PTPRD: variants seen among roughly 807,000 people sequenced by gnomAD.
PTPRD encodes protein tyrosine phosphatase receptor type D.
A neutral mutation model predicts 214.5 loss-of-function variants in PTPRD; 34 were observed. That is an observed-to-expected ratio of 0.16 (90% confidence interval 0.12 to 0.21). The LOEUF (loss-of-function observed/expected upper bound fraction) is 0.21, where lower values mean the gene tolerates loss of function less well. PTPRD is among the 10% of genes least tolerant of loss of function. The probability of loss-of-function intolerance (pLI) is 1.00; values close to 1 mark genes in which losing one functional copy is unlikely to be tolerated. For synonymous variants in PTPRD, 1,128 were observed against 845.7 expected (o/e 1.33, Z -5.79); for missense variants, 2,545 against 2,398.7 (o/e 1.06, Z -1.27).
At chr9:9,853,508 T>A (rs940401966) in intron 5 of PTPRD, among the ~76,000 whole-genome samples, 4 of 152,100 alleles carry the variant, frequency 2.6e-5, no homozygotes, top group Non-Finnish European at 4.4e-5. Context: ...CTTATGCAAC[T>A]GTGTATTATT....
intron 7 of PTPRD, among the ~76,000 whole-genome samples, chr9:9,724,658 G>T (rs560288149): frequency 2.8e-4 from 42 of 152,284 alleles, no homozygotes; most frequent in Admixed American, 1.0e-3. Flanking sequence ...AGATCAAAAT[G>T]TGAAGGATGA....
At chr9:10,435,998 A>T (rs995243410) in intron 2 of PTPRD, among the ~76,000 whole-genome samples, 11 of 151,810 alleles carry the variant, frequency 7.2e-5, no homozygotes, top group African/African-American at 2.7e-4. Context: ...ACAACGCAGC[A>T]TTTCTGGACT....
At chr9:9,088,434 G>C (rs112147925) in intron 10 of PTPRD, among the ~76,000 whole-genome samples, 1 of 151,162 alleles carries the variant, frequency 6.6e-6, no homozygotes, top group Non-Finnish European at 1.5e-5. Context: ...ATAAAAATTA[G>C]CTGGGCATGG....
chr9:9,518,976 T>C (rs2096901054), intron 8 of PTPRD, among the ~76,000 whole-genome samples: 1 of 152,040 alleles, frequency 6.6e-6, no homozygotes, highest in Admixed American at 6.6e-5. Flanking sequence ...ATGTGGACCA[T>C]TAGTTATTTC....
At chr9:10,498,318 T>C (rs2042704976) in intron 2 of PTPRD, among the ~76,000 whole-genome samples, 1 of 151,946 alleles carries the variant, frequency 6.6e-6, no homozygotes, top group South Asian at 2.1e-4. Flanking sequence ...AGAGAAAAGG[T>C]TATCTTAAAA....
intron 9 of PTPRD, among the ~76,000 whole-genome samples, chr9:9,259,214 C>A (rs1353431951): frequency 6.6e-6 from 1 of 151,812 alleles, no homozygotes; most frequent in Non-Finnish European, 1.5e-5. Flanking sequence ...GGACTAGAAC[C>A]TAGGCTTCTT....
At chr9:10,015,519 C>G (rs998480872) in intron 4 of PTPRD, among the ~76,000 whole-genome samples, 70 of 152,180 alleles carry the variant, frequency 4.6e-4, no homozygotes, top group African/African-American at 1.7e-3. Flanking sequence ...CTGTATAGGA[C>G]ATAGTAGAAA....
intron 11 of PTPRD, among the ~76,000 whole-genome samples, chr9:8,758,125 A>G (rs2094148546): frequency 6.6e-6 from 1 of 152,228 alleles, no homozygotes; most frequent in African/African-American, 2.4e-5. Flanking sequence ...AAAGCACATT[A>G]AAATCAGAGA....
intron 12 of PTPRD, among the ~76,000 whole-genome samples, chr9:8,691,873 T>C (rs1047877700): frequency 1.3e-5 from 2 of 152,218 alleles, no homozygotes; most frequent in Non-Finnish European, 2.9e-5. Context: ...ATATACTGGC[T>C]TGCATTTCAA....
chr9:10,432,222 C>T (rs1331883455), intron 2 of PTPRD, among the ~76,000 whole-genome samples: 21 of 136,328 alleles, frequency 1.5e-4, no homozygotes, highest in Middle Eastern at 4.9e-3. Flanking sequence ...CACTCATAGG[C>T]GGGAATTGAA....
intron 3 of PTPRD, among the ~76,000 whole-genome samples, chr9:10,047,993 G>C (rs2097438347): frequency 6.6e-6 from 1 of 152,132 alleles, no homozygotes; most frequent in Non-Finnish European, 1.5e-5. Context: ...TTATAACAGA[G>C]TGAACTTTCC....
intron 10 of PTPRD, among the ~76,000 whole-genome samples, chr9:9,072,027 G>A (rs1399393218): frequency 5.9e-5 from 9 of 152,070 alleles, no homozygotes; most frequent in African/African-American, 1.2e-4. Context: ...CTGCCAGACC[G>A]AAGAAGTGAT....
chr9:10,152,686 G>A (rs927554965), intron 3 of PTPRD, among the ~76,000 whole-genome samples: 4 of 152,242 alleles, frequency 2.6e-5, no homozygotes, highest in East Asian at 1.9e-4. Context: ...TTAGCTGGGC[G>A]TGGTGGCACA....
chr9:8,780,805 A>G (rs1430133166), intron 11 of PTPRD, among the ~76,000 whole-genome samples: 1 of 152,246 alleles, frequency 6.6e-6, no homozygotes, highest in East Asian at 1.9e-4. Context: ...TATAGATGCC[A>G]GAAAAGGAAG....
At chr9:8,340,512 G>T in intron 41 of PTPRD, 43 bp from the exon 42 acceptor site, 1 of 1,496,008 alleles carries the variant, frequency 6.7e-7, no homozygotes, top group South Asian at 1.4e-5. Context: ...AGTATTTAGA[G>T]AACATGCAAA....
intron 7 of PTPRD, among the ~76,000 whole-genome samples, chr9:9,621,608 T>C (rs2095241742): frequency 6.6e-6 from 1 of 152,214 alleles, no homozygotes. Flanking sequence ...GTCATAATCA[T>C]AAATCCCAAA....
chr9:9,172,790 C>T (rs2131028611), intron 10 of PTPRD, among the ~76,000 whole-genome samples: 1 of 152,202 alleles, frequency 6.6e-6, no homozygotes, highest in East Asian at 1.9e-4. Context: ...CTCCCAAAGC[C>T]ATCATCTTAT....
intron 2 of PTPRD, among the ~76,000 whole-genome samples, chr9:10,581,019 G>C (rs1455008810): frequency 1.3e-5 from 2 of 152,158 alleles, no homozygotes; most frequent in East Asian, 3.9e-4. Context: ...CTGGGATCCT[G>C]GCTGCATGTG....
At chr9:9,351,781 G>A (rs1340046928) in intron 9 of PTPRD, among the ~76,000 whole-genome samples, 1 of 151,998 alleles carries the variant, frequency 6.6e-6, no homozygotes, top group Non-Finnish European at 1.5e-5. Context: ...CTATGGATTT[G>A]GTCAGCTGGG....
Sources: allele counts gnomAD v4.1 joint callset (sites outside exome capture counted in the v4.1 genomes callset), GRCh38; gene constraint gnomAD v4.1.1; transcripts MANE v1.5; gene names NCBI Gene and HGNC (gene_info 2026-07-23, HGNC 2026-07-21).